The following LMBR1 variants were observed in gnomAD, a reference collection of about 807,000 sequenced individuals.
The protein encoded by LMBR1 is limb development membrane protein 1.
LMBR1 carries 52 observed loss-of-function variants against 73.9 expected under a neutral mutation model. The ratio of observed to expected loss-of-function variants is 0.70; its 90% CI spans 0.56 to 0.89. LMBR1 has a LOEUF of 0.89. Among genes scored for constraint, LMBR1 ranks in the 40% least tolerant of loss-of-function variants. The pLI is 0.00. For missense variants in LMBR1, 539 were observed against 579.8 expected (o/e 0.93, Z 0.72); for synonymous variants, 215 against 209.4 (o/e 1.03, Z -0.23).
intron 10 of LMBR1, among the ~76,000 whole-genome samples, chr7:156,733,202 G>A (rs1477437817): frequency 6.6e-6 from 1 of 151,960 alleles, no homozygotes; most frequent in Non-Finnish European, 1.5e-5. Flanking sequence ...CCCAACAAGG[G>A]TAAAATCTCA....
chr7:156,854,831 T>G (rs188288894), intron 1 of LMBR1, among the ~76,000 whole-genome samples: 72 of 152,294 alleles, frequency 4.7e-4, no homozygotes, highest in Non-Finnish European at 8.2e-4. Context: ...TCAAATTCTA[T>G]TTAAGAAGTA....
At chr7:156,753,910 A>T (rs1821370153) in intron 9 of LMBR1, among the ~76,000 whole-genome samples, 1 of 151,968 alleles carries the variant, frequency 6.6e-6, no homozygotes, top group African/African-American at 2.4e-5. Flanking sequence ...CTTCCTCTCT[A>T]TTCCTTTTTT....
At chr7:156,775,271 G>A (rs1825921137) in intron 5 of LMBR1, among the ~76,000 whole-genome samples, 1 of 152,150 alleles carries the variant, frequency 6.6e-6, no homozygotes. Context: ...AGGAGGCCGA[G>A]GCAGGAGAAT....
At chr7:156,730,015 A>T (rs968852000) in intron 10 of LMBR1, among the ~76,000 whole-genome samples, 1 of 152,260 alleles carries the variant, frequency 6.6e-6, no homozygotes, top group African/African-American at 2.4e-5. Flanking sequence ...TTCTTCTGCA[A>T]GACATTTCCC....
chr7:156,735,564 T>C (rs1817699554), intron 9 of LMBR1, among the ~76,000 whole-genome samples: 1 of 142,426 alleles, frequency 7.0e-6, no homozygotes, highest in Admixed American at 7.1e-5. Context: ...TTTTTTTTCA[T>C]TATGCAATTG....
At chr7:156,810,223 C>T (rs1832852075) in intron 4 of LMBR1, among the ~76,000 whole-genome samples, 1 of 152,084 alleles carries the variant, frequency 6.6e-6, no homozygotes. Context: ...CAGGAGAAGA[C>T]AGGAAGCAAT....
intron 15 of LMBR1, among the ~76,000 whole-genome samples, chr7:156,695,235 C>A (rs116207083): frequency 6.6e-6 from 1 of 152,146 alleles, no homozygotes; most frequent in Admixed American, 6.5e-5. Flanking sequence ...CTTGACATCA[C>A]GAGGTTGTGG....
chr7:156,855,579 C>T (rs921304444), intron 1 of LMBR1, among the ~76,000 whole-genome samples: 8 of 147,334 alleles, frequency 5.4e-5, no homozygotes, highest in Non-Finnish European at 1.0e-4. Flanking sequence ...TAAAATATTT[C>T]AAGTGATAAT....
intron 1 of LMBR1, among the ~76,000 whole-genome samples, chr7:156,856,685 G>A (rs187583113): frequency 1.0e-3 from 151 of 151,434 alleles, no homozygotes; most frequent in Middle Eastern, 3.4e-3. Context: ...CAGCCTAGGC[G>A]ACAGAGTGAG....
At chr7:156,801,308 C>T (rs534432252) in intron 4 of LMBR1, among the ~76,000 whole-genome samples, 1 of 152,326 alleles carries the variant, frequency 6.6e-6, no homozygotes, top group East Asian at 1.9e-4. Context: ...TTACAGCTCA[C>T]TAAAGGCTCA....
rs966680350 is a variant in LMBR1, at chr7:156,860,195, A to G, written c.67-23310T>C. Among the ~76,000 whole-genome samples, 3 of 152,220 alleles carry G rather than the reference A, an allele frequency of 2.0e-5. No homozygotes were observed. The East Asian group carries it at 5.8e-4, about 29-fold the overall frequency. ...CATATCAGAAACTGGCAATTTACAA[A>G]AAAGGTTTAATGAACTTACACTTCC... On this transcript the variant is annotated intron_variant, in intron 1 of 16. Transcript: ENST00000353442.
chr7:156,888,580 TAAGCAAAATACAGTATACACAAAAAGAA>T (rs1442524653), intron 1 of LMBR1, among the ~76,000 whole-genome samples: 1 of 152,048 alleles, frequency 6.6e-6, no homozygotes, highest in Non-Finnish European at 1.5e-5. Flanking sequence ...AATGAATGGG[TAAGCAAAATACAGTATACACAAAAAGAA>T]AATATTATTC....
At chr7:156,873,305 C>G (rs1462413577) in intron 1 of LMBR1, among the ~76,000 whole-genome samples, 2 of 151,262 alleles carry the variant, frequency 1.3e-5, no homozygotes, top group East Asian at 1.9e-4. Flanking sequence ...GTTCATTCCT[C>G]CCGGTGGGCT....
intron 4 of LMBR1, among the ~76,000 whole-genome samples, chr7:156,820,909 G>A (rs1423178914): frequency 6.6e-6 from 1 of 152,244 alleles, no homozygotes; most frequent in Non-Finnish European, 1.5e-5. Context: ...CGCATGCTGT[G>A]TGGAGCCTTT....
chr7:156,841,114 C>A (rs1235976947), intron 1 of LMBR1, among the ~76,000 whole-genome samples: 2 of 151,840 alleles, frequency 1.3e-5, no homozygotes, highest in African/African-American at 4.8e-5. Context: ...GAATTCTGGG[C>A]ACGTTTTGAA....
chr7:156,849,582 T>C (rs1246854363), intron 1 of LMBR1, among the ~76,000 whole-genome samples: 1 of 152,158 alleles, frequency 6.6e-6, no homozygotes, highest in African/African-American at 2.4e-5. Flanking sequence ...CAATTTGAAA[T>C]GGCAACATTT....
At position 156,826,502 on chromosome 7, in the gene LMBR1, A is replaced by C. The variant is rs1835720466; in HGVS notation, c.319+103T>G. 5.5e-6 allele frequency: 4 copies of C among 726,732 alleles called. No homozygotes were observed. In the South Asian group the frequency reaches 1.8e-4, roughly 33 times the overall value. 45.0% of individuals were successfully genotyped at this position (726,732 alleles called of 1,614,324 possible). On this transcript the variant is annotated intron_variant, in intron 4 of 16. Transcript: ENST00000353442. ...AAGACCCAAATCGTTTACTGGAGGAAGTCACAAATTATGAAGAAAACTGAG... is the reference window on the plus strand; with the variant it reads ...AAGACCCAAATCGTTTACTGGAGGACGTCACAAATTATGAAGAAAACTGAG...
At chr7:156,887,463 CA>C (rs60786872) in intron 1 of LMBR1, among the ~76,000 whole-genome samples, 10,789 of 52,654 alleles carry the variant, frequency 0.2, 248 homozygotes, top group East Asian at 0.32. Context: ...GACTCCATCT[CA>C]AAAAAAAAAA....
chr7:156,820,812 C>T lies in LMBR1; in HGVS notation c.319+5793G>A, dbSNP rs114543275. ...CCCAGAAGGAGGGAAGGCTCTGCGG[C>T]AGCTCCAGGCTCTGTGCAGGCTGCT... On this transcript the variant is annotated intron_variant, in intron 4 of 16. Coordinates refer to ENST00000353442, the MANE Select transcript of LMBR1 (RefSeq NM_022458.4). 8.9e-4 allele frequency among the ~76,000 whole-genome samples: 136 copies of T among 152,324 alleles called. 1 individual carries two copies. The highest frequency in any genetic ancestry group is 3.4e-3 in the Middle Eastern group (1 of 294).
Sources: gnomAD v4.1 joint callset for allele counts (sites outside exome capture counted in the v4.1 genomes callset) on GRCh38, gnomAD v4.1.1 for gene constraint, MANE v1.5 for transcripts, NCBI Gene and HGNC (gene_info 2026-07-23, HGNC 2026-07-21) for gene names.